Variants in MMS22L observed in about 807,000 individuals in gnomAD.
The protein encoded by MMS22L is MMS22 like, DNA repair protein.
MMS22L carries 74 observed loss-of-function variants against 159.1 expected under a neutral mutation model. The observed-to-expected ratio is 0.47, with a 90% CI of 0.39 to 0.56. MMS22L has a LOEUF of 0.56. Ranked by LOEUF, MMS22L falls within the 20% of genes least tolerant of loss-of-function variation. The pLI, the probability that MMS22L is intolerant of heterozygous loss-of-function variation, is 0.00. For synonymous variants in MMS22L, 517 were observed against 506.9 expected, an observed-to-expected ratio of 1.02 and a Z score of -0.27; for missense variants, 1,351 against 1,422.1, an observed-to-expected ratio of 0.95 and a Z score of 0.80.
rs550421713 is a variant in MMS22L at position 97,156,569 on chromosome 6, T to C, written c.3386-4702A>G. Among the ~76,000 whole-genome samples, 14 of 152,304 alleles carry C rather than the reference T, an allele frequency of 9.2e-5. No homozygotes were observed. The South Asian group carries it at 2.7e-3, about 29-fold the overall frequency. ...AGTTTTCCCAGCACCATTTATTCAA[T>C]AGGGAATCCTTTCCCCATTGCTTGT... On this transcript the variant is annotated intron_variant, in intron 22 of 24. Transcript: ENST00000683635.
At position 97,145,770 on chromosome 6, in the gene MMS22L, C is replaced by G. The variant is rs1800903061; in HGVS notation, c.*1036G>C. On this transcript the variant is annotated 3_prime_UTR_variant, in exon 25 of 25. Coordinates refer to ENST00000683635, the MANE Select transcript of MMS22L (RefSeq NM_001350599.2). ...ACGTAACTAGCTCAAGATCATAAAG[C>G]AAAGCTGAGTTTGAGACCCAGGTGG... 6.6e-6 allele frequency: 1 copy of G among 152,076 alleles called. No homozygotes were observed. Among genetic ancestry groups the G allele is most frequent in the African/African-American group, 2.4e-5 (1 of 41,424 alleles). 9.4% of individuals were successfully genotyped at this position (152,076 alleles called of 1,614,324 possible).
At chr6:97,162,314 C>T (rs1802532322) in intron 21 of MMS22L, 149 bp from the exon 22 acceptor site, 1 of 611,630 alleles carries the variant, frequency 1.6e-6, no homozygotes, top group East Asian at 3.1e-5. Flanking sequence ...ACCATGCTAT[C>T]TTCAAACATA....
intron 14 of MMS22L, among the ~76,000 whole-genome samples, chr6:97,210,963 G>A (rs1198048380): frequency 2.0e-5 from 3 of 151,926 alleles, no homozygotes; most frequent in African/African-American, 7.2e-5. Context: ...AAAAAGGAAT[G>A]ACCATGGAGA....
chr6:97,276,204 T>C (rs1816227223), intron 4 of MMS22L, among the ~76,000 whole-genome samples: 1 of 152,158 alleles, frequency 6.6e-6, no homozygotes, highest in African/African-American at 2.4e-5. Context: ...CACAAGTTAA[T>C]GAACACAGCT....
rs1415719284 is a variant in MMS22L at position 97,191,918 on chromosome 6, T to C, written c.2040-5228A>G. Among the ~76,000 whole-genome samples the C allele has an allele frequency of 2.0e-5, 3 of 152,294 alleles. No homozygotes were observed. In the East Asian group the frequency reaches 5.8e-4, roughly 29 times the overall value. On this transcript the variant is annotated intron_variant, in intron 14 of 24. Coordinates refer to ENST00000683635, the MANE Select transcript of MMS22L (RefSeq NM_001350599.2). ...GTTATCCAAAAAATCATCAATCCAA[T>C]CTTGTCTTCAAAAAATGAGAAAAAA...
chr6:97,262,326 C>T (rs1259624732), intron 9 of MMS22L, among the ~76,000 whole-genome samples: 1 of 151,742 alleles, frequency 6.6e-6, no homozygotes, highest in Non-Finnish European at 1.5e-5. Context: ...TACTTGCAAA[C>T]CTACAAAAAT....
In MMS22L at chr6:97,193,384, A is replaced by C. The variant is rs1806097713; in HGVS notation, c.2040-6694T>G. 2.0e-5 allele frequency among the ~76,000 whole-genome samples: 3 copies of C among 152,218 alleles called. No homozygotes were observed. The South Asian group carries it at 6.2e-4, about 31-fold the overall frequency. Reference sequence around the variant, plus strand: ...AAATGAAGTTGCTTGCCTGTGTCCCAAAAACAGTAACTAGCACTGGTATGA... The same window carrying C: ...AAATGAAGTTGCTTGCCTGTGTCCCCAAAACAGTAACTAGCACTGGTATGA... On this transcript the variant is annotated intron_variant, in intron 14 of 24. Coordinates refer to ENST00000683635, the MANE Select transcript of MMS22L (RefSeq NM_001350599.2).
chr6:97,234,035 T>C, intron 11 of MMS22L, 55 bp from the exon 12 acceptor site: 1 of 1,566,386 alleles, frequency 6.4e-7, no homozygotes, highest in South Asian at 1.2e-5. Flanking sequence ...AATATAAACA[T>C]TTTCACTTGA....
intron 19 of MMS22L, among the ~76,000 whole-genome samples, chr6:97,170,978 C>T (rs910896117): frequency 6.6e-6 from 1 of 152,044 alleles, no homozygotes; most frequent in Non-Finnish European, 1.5e-5. Flanking sequence ...TGCACTTCAG[C>T]ATAGGTGACA....
At chr6:97,208,312 C>T (rs1386536622) in intron 14 of MMS22L, among the ~76,000 whole-genome samples, 1 of 152,030 alleles carries the variant, frequency 6.6e-6, no homozygotes, top group Non-Finnish European at 1.5e-5. Flanking sequence ...AGTTCTCTTT[C>T]AATTCATTGG....
At chr6:97,208,021 T>A (rs1807967211) in intron 14 of MMS22L, among the ~76,000 whole-genome samples, 1 of 152,160 alleles carries the variant, frequency 6.6e-6, no homozygotes, top group African/African-American at 2.4e-5. Flanking sequence ...TATTTAAGTA[T>A]AAGAAGCTAT....
At chr6:97,268,659 A>C (rs569880882) in intron 7 of MMS22L, among the ~76,000 whole-genome samples, 5 of 152,300 alleles carry the variant, frequency 3.3e-5, no homozygotes, top group Admixed American at 3.3e-4. Context: ...TTTTTTTAAC[A>C]AATACTGATA....
intron 14 of MMS22L, among the ~76,000 whole-genome samples, chr6:97,227,344 G>A (rs964956347): frequency 6.6e-6 from 1 of 152,096 alleles, no homozygotes; most frequent in African/African-American, 2.4e-5. Context: ...CCTATGCTCT[G>A]ACATCTTTTG....
Position 97,272,889 on chromosome 6 carries a change from ATAAT to A in MMS22L, c.429-12_429-9del, listed in dbSNP as rs1562528998. ...TTCTGTACTTTCAGATACCTAAAAAATAATTAGATAAAATAAACAACTAGAGTCT... is the reference window on the plus strand; with the variant it reads ...TTCTGTACTTTCAGATACCTAAAAAATAGATAAAATAAACAACTAGAGTCT... On this transcript the variant is annotated splice_polypyrimidine_tract_variant and intron_variant, in intron 5 of 24. Coordinates refer to ENST00000683635, the MANE Select transcript of MMS22L (RefSeq NM_001350599.2). The A allele has an allele frequency of 3.7e-6, 6 of 1,609,136 alleles. No homozygotes were observed. Among genetic ancestry groups the A allele is most frequent in the Non-Finnish European group, 5.1e-6 (6 of 1,178,650 alleles).
intron 14 of MMS22L, among the ~76,000 whole-genome samples, chr6:97,194,811 G>A (rs980954171): frequency 6.6e-6 from 1 of 152,172 alleles, no homozygotes; most frequent in African/African-American, 2.4e-5. Flanking sequence ...GATAGGTAAG[G>A]AGTGTTTAGG....
chr6:97,154,422 A>G (rs1801627574), intron 22 of MMS22L, among the ~76,000 whole-genome samples: 1 of 152,108 alleles, frequency 6.6e-6, no homozygotes, highest in South Asian at 2.1e-4. Flanking sequence ...CACTTTCTTA[A>G]CAGTGTCCTT....
chr6:97,142,625 GTATC>G lies in MMS22L; in HGVS notation c.*4177_*4180del, dbSNP rs1800692755. On this transcript the variant is annotated 3_prime_UTR_variant, in exon 25 of 25. Coordinates refer to ENST00000683635, the MANE Select transcript of MMS22L (RefSeq NM_001350599.2). The stretch of plus-strand genomic sequence containing the variant: ...TGATTCAACTTTTGGTGAGGTTTCT[GTATC>G]TATTTACCTTTTAGACATGGGGAGA... 1 of 152,078 alleles carries G rather than the reference GTATC, an allele frequency of 6.6e-6. No homozygotes were observed. The highest frequency in any genetic ancestry group is 1.5e-5 in the Non-Finnish European group (1 of 67,946). The allele number at this position is 152,078 out of a possible 1,614,324, so 9.4% of individuals were successfully genotyped here. A position where few individuals can be genotyped will look rare whatever the true frequency, so the allele number is the denominator to read the frequency against.
chr6:97,169,205 T>C (rs1803274485), intron 19 of MMS22L, among the ~76,000 whole-genome samples: 1 of 152,056 alleles, frequency 6.6e-6, no homozygotes, highest in South Asian at 2.1e-4. Flanking sequence ...TGAAATATAT[T>C]ATGGCTTCCT....
At chr6:97,202,920 T>A (rs1264755529) in intron 14 of MMS22L, among the ~76,000 whole-genome samples, 1 of 152,226 alleles carries the variant, frequency 6.6e-6, no homozygotes, top group African/African-American at 2.4e-5. Flanking sequence ...CTACTGGTCA[T>A]TAATGTTGGC....
Sources: gnomAD v4.1 joint callset for allele counts (sites outside exome capture counted in the v4.1 genomes callset) on GRCh38, gnomAD v4.1.1 for gene constraint, MANE v1.5 for transcripts, NCBI Gene and HGNC (gene_info 2026-07-23, HGNC 2026-07-21) for gene names.